Variants in GRM5 observed in about 807,000 individuals in gnomAD.
GRM5 encodes the protein metabotropic glutamate receptor 5.
Under a neutral mutation model 83.1 loss-of-function variants are expected in GRM5, and 19 were observed. The ratio of observed to expected loss-of-function variants is 0.23; its 90% CI spans 0.16 to 0.34. The LOEUF is 0.34. GRM5 is among the 10% of genes least tolerant of loss of function. GRM5 has a pLI of 1.00. For synonymous variants in GRM5, 675 were observed against 633.6 expected, an observed-to-expected ratio of 1.07 and a Z score of -0.98; for missense variants, 1,160 against 1,588.3, an observed-to-expected ratio of 0.73 and a Z score of 4.58.
intron 3 of GRM5, among the ~76,000 whole-genome samples, chr11:88,747,948 G>C (rs957552496): frequency 2.0e-5 from 3 of 152,096 alleles, no homozygotes; most frequent in African/African-American, 7.2e-5. Flanking sequence ...AAATATCCAG[G>C]TTCTTACATT....
intron 2 of GRM5, among the ~76,000 whole-genome samples, chr11:88,885,450 GTTTTTTT>G (rs61456975): frequency 0.43 from 26,521 of 62,008 alleles, 6,701 homozygotes; most frequent in Non-Finnish European, 0.55. Context: ...TAGGTACCAT[GTTTTTTT>G]TTTTTTTTTT....
chr11:88,567,624 A>C lies in GRM5; in HGVS notation c.2059T>G (p.Phe687Val). ...ACTAGCTGGGCACAGGCACTCATGAATCTGGGCTTTTTGGTACAGATCTTC... is the reference window on the plus strand; with the variant it reads ...ACTAGCTGGGCACAGGCACTCATGACTCTGGGCTTTTTGGTACAGATCTTC... ...KKKICTKKPR[F>V]MSACAQLVIA... The change falls in exon 8 of 10, where the codon TTC becomes GTC. Residue 687 changes from phenylalanine (F) to valine (V), a missense_variant. Around this residue, in one of 9 missense-constraint regions of GRM5, gnomAD observed 132 missense variants for 245.5 expected, o/e 0.54. Transcript: ENST00000305447. The surrounding 1 kb of genome is among the most constrained non-coding windows in gnomAD (Gnocchi z 7.3). 6.2e-7 allele frequency: 1 copy of C among 1,614,156 alleles called. No homozygotes were observed. Among genetic ancestry groups the C allele is most frequent in the Non-Finnish European group, 8.5e-7 (1 of 1,180,000 alleles).
chr11:89,035,954 G>T (rs1394642723), intron 2 of GRM5, among the ~76,000 whole-genome samples: 1 of 151,898 alleles, frequency 6.6e-6, no homozygotes, highest in Non-Finnish European at 1.5e-5. Flanking sequence ...AGAAGTAAAG[G>T]CACATAAGCA....
intron 3 of GRM5, among the ~76,000 whole-genome samples, chr11:88,661,357 ACT>A (rs1371905774): frequency 2.0e-5 from 3 of 152,118 alleles, no homozygotes; most frequent in African/African-American, 7.2e-5. Flanking sequence ...CTTATAAATG[ACT>A]CTGAAAGGCT....
chr11:88,952,047 A>G (rs1565307034), intron 2 of GRM5, among the ~76,000 whole-genome samples: 2 of 151,916 alleles, frequency 1.3e-5, no homozygotes, highest in Non-Finnish European at 2.9e-5. Context: ...TCTCCATATA[A>G]CTCATGTCCC....
intron 4 of GRM5, among the ~76,000 whole-genome samples, chr11:88,642,455 C>A (rs1434335165): frequency 6.6e-6 from 1 of 152,178 alleles, no homozygotes; most frequent in Non-Finnish European, 1.5e-5. Flanking sequence ...ATATCTCTAG[C>A]AAGTGGTTGC....
chr11:88,689,273 A>G (rs1209509198), intron 3 of GRM5, among the ~76,000 whole-genome samples: 4 of 152,204 alleles, frequency 2.6e-5, no homozygotes, highest in African/African-American at 7.2e-5. Context: ...TTTCAGAAAA[A>G]TTAGTAAAAC....
At chr11:89,019,179 T>A (rs1940925130) in intron 2 of GRM5, among the ~76,000 whole-genome samples, 1 of 152,150 alleles carries the variant, frequency 6.6e-6, no homozygotes, top group Non-Finnish European at 1.5e-5. Flanking sequence ...CATTGGGATT[T>A]GTCTGATGTT....
intron 2 of GRM5, among the ~76,000 whole-genome samples, chr11:88,973,393 G>A (rs541324718): frequency 6.6e-6 from 1 of 152,106 alleles, no homozygotes; most frequent in Non-Finnish European, 1.5e-5. Flanking sequence ...TTGAGACTGG[G>A]AGATTATCTT....
At chr11:88,887,412 T>C (rs1945061767) in intron 2 of GRM5, among the ~76,000 whole-genome samples, 3 of 152,170 alleles carry the variant, frequency 2.0e-5, no homozygotes, top group Non-Finnish European at 4.4e-5. Flanking sequence ...ATGTAGTTTT[T>C]TTTTTGAGAT....
At chr11:88,802,799 C>T (rs1050297072) in intron 3 of GRM5, among the ~76,000 whole-genome samples, 7 of 150,536 alleles carry the variant, frequency 4.7e-5, no homozygotes, top group Non-Finnish European at 1.0e-4. Context: ...TCATCTCAGC[C>T]CAAAATCTCC....
chr11:88,593,197 G>A (rs1937686924), intron 6 of GRM5, among the ~76,000 whole-genome samples: 1 of 152,060 alleles, frequency 6.6e-6, no homozygotes, highest in Admixed American at 6.5e-5. Flanking sequence ...TGGAAACTAA[G>A]TTTACAAACT....
chr11:88,851,987 T>C (rs1201519583), intron 2 of GRM5, among the ~76,000 whole-genome samples: 3 of 152,230 alleles, frequency 2.0e-5, no homozygotes, highest in African/African-American at 4.8e-5. Flanking sequence ...TATTCTTTCA[T>C]TTATTTTTAG....
At chr11:89,020,661 C>T (rs1228666515) in intron 2 of GRM5, among the ~76,000 whole-genome samples, 4 of 152,164 alleles carry the variant, frequency 2.6e-5, no homozygotes, top group African/African-American at 7.2e-5. Flanking sequence ...CCATCGATTC[C>T]AGCTTCATGC....
Position 88,515,805 on chromosome 11 carries a change from T to C in GRM5, c.2727-6301A>G, listed in dbSNP as rs59670363. ...AATAGAGAACAAAGCCAGACATAGC[T>C]GTTTTGTGTCTAGAAGCTGCTGCAG... On this transcript the variant is annotated intron_variant, in intron 9 of 9. Transcript: ENST00000305447. Among the ~76,000 whole-genome samples, 1,169 of 152,322 alleles carry C rather than the reference T, an allele frequency of 7.7e-3. 12 individuals are homozygous for C. The highest frequency in any genetic ancestry group is 0.026 in the African/African-American group (1,099 of 41,574).
At chr11:88,831,004 T>C (rs767332089) in intron 3 of GRM5, among the ~76,000 whole-genome samples, 9 of 151,598 alleles carry the variant, frequency 5.9e-5, no homozygotes, top group Non-Finnish European at 1.3e-4. Flanking sequence ...ACCCCCATGA[T>C]TCAATTACCC....
intron 3 of GRM5, among the ~76,000 whole-genome samples, chr11:88,802,463 A>G (rs916374462): frequency 1.0e-4 from 14 of 136,950 alleles, no homozygotes; most frequent in Non-Finnish European, 2.1e-4. Flanking sequence ...GATGCAGAAA[A>G]GGCGTTTGAC....
At chr11:89,014,454 G>GT (rs11413873) in intron 2 of GRM5, among the ~76,000 whole-genome samples, 5,600 of 151,556 alleles carry the variant, frequency 0.037, 344 homozygotes, top group African/African-American at 0.13. Flanking sequence ...AGATAGGGCT[G>GT]TTTTTTTTGC....
chr11:89,027,741 T>C (rs1941160307), intron 2 of GRM5, among the ~76,000 whole-genome samples: 1 of 152,216 alleles, frequency 6.6e-6, no homozygotes, highest in South Asian at 2.1e-4. Context: ...TAAATATAAT[T>C]CAGTATGTAT....
Sources: gnomAD v4.1 joint callset for allele counts (sites outside exome capture counted in the v4.1 genomes callset) on GRCh38, gnomAD v4.1.1 for gene constraint, gnomAD v4.1.1 regional missense constraint, Gnocchi (gnomAD v3.1) non-coding constraint, MANE v1.5 for transcripts, NCBI Gene and HGNC (gene_info 2026-07-23, HGNC 2026-07-21) for gene names.